TUSC3: variants seen among roughly 807,000 people sequenced by gnomAD.
TUSC3 encodes the protein dolichyl-diphosphooligosaccharide--protein glycosyltransferase subunit TUSC3.
In TUSC3, 45 loss-of-function variants were observed where a neutral mutation model predicts 44.8. That is an observed-to-expected ratio of 1.00 (90% confidence interval 0.79 to 1.29). The LOEUF (loss-of-function observed/expected upper bound fraction) is 1.29. Ranked by LOEUF, TUSC3 falls within the 50% of genes most tolerant of loss-of-function variation. TUSC3 has a pLI of 0.00. For missense variants in TUSC3, 519 were observed against 437.9 expected, an observed-to-expected ratio of 1.19 and a Z score of -1.65; for synonymous variants, 212 against 152.9, an observed-to-expected ratio of 1.39 and a Z score of -2.85.
Position 15,664,439 on chromosome 8 carries a change from TA to T in TUSC3, c.708+2144del, listed in dbSNP as rs1490011874. Reference sequence around the variant, plus strand: ...AAACCTCTGCTATGTTATACAGATTTATTATTATTATTATTATTATTATTAT... The same window carrying T: ...AAACCTCTGCTATGTTATACAGATTTTTATTATTATTATTATTATTATTAT... On this transcript the variant is annotated intron_variant, in intron 5 of 10. Transcript: ENST00000503731. 3.0e-3 allele frequency among the ~76,000 whole-genome samples: 22 copies of T among 7,308 alleles called. No homozygotes were observed. In the East Asian group the frequency reaches 0.18, roughly 61 times the overall value. The allele number at this position is 7,308 out of a possible 152,430, so 4.8% of individuals were successfully genotyped here. A position where few individuals can be genotyped will look rare whatever the true frequency, so the allele number is the denominator to read the frequency against.
At chr8:15,798,081 A>G in the TUSC3 span, among the ~76,000 whole-genome samples, 72 of 152,314 alleles carry the variant, frequency 4.7e-4, 2 homozygotes, top group South Asian at 9.3e-3. Flanking sequence ...AGCTATTTCT[A>G]TGTCCCACTA....
intron 2 of TUSC3, among the ~76,000 whole-genome samples, chr8:15,500,961 C>G (rs17577132): frequency 0.25 from 37,262 of 152,054 alleles, 5,369 homozygotes; most frequent in Admixed American, 0.41. Context: ...ACTTTAAATT[C>G]TTATAAGGTA....
chr8:15,650,994 CA>C, intron 3 of TUSC3, 180 bp downstream of exon 3: 1 of 295,226 alleles, frequency 3.4e-6, no homozygotes. Flanking sequence ...TACACACACA[CA>C]CACACACACA....
intron 8 of TUSC3, among the ~76,000 whole-genome samples, chr8:15,744,467 C>T (rs1024857369): frequency 6.6e-6 from 1 of 151,846 alleles, no homozygotes; most frequent in Non-Finnish European, 1.5e-5. Context: ...CTCTTTAAAA[C>T]CCAAAATTTA....
intron 9 of TUSC3, among the ~76,000 whole-genome samples, chr8:15,754,007 T>C (rs1811817058): frequency 6.6e-6 from 1 of 152,098 alleles, no homozygotes; most frequent in Non-Finnish European, 1.5e-5. Context: ...AATTATCCTG[T>C]GGTGAACATA....
chr8:15,526,748 A>G (rs561377864), intron 2 of TUSC3, among the ~76,000 whole-genome samples: 2 of 152,310 alleles, frequency 1.3e-5, no homozygotes, highest in South Asian at 2.1e-4. Context: ...CAGCAGCATG[A>G]TAACAGACTA....
chr8:15,829,316 C>G, the TUSC3 span, among the ~76,000 whole-genome samples: 2 of 152,156 alleles, frequency 1.3e-5, no homozygotes, highest in East Asian at 3.9e-4. Context: ...AAGTGCCAGA[C>G]TGCGATTATG....
chr8:15,619,413 G>A (rs13281940), intron 1 of TUSC3, among the ~76,000 whole-genome samples: 50,781 of 151,884 alleles, frequency 0.33, 8,830 homozygotes, highest in East Asian at 0.38. Context: ...TACCCTATAA[G>A]CAGAAAGAAA....
At chr8:15,605,734 A>G (rs890741481) in intron 1 of TUSC3, among the ~76,000 whole-genome samples, 1 of 152,006 alleles carries the variant, frequency 6.6e-6, no homozygotes, top group Non-Finnish European at 1.5e-5. Context: ...ACTTGTTAAA[A>G]CTTAGACACA....
At chr8:15,779,284 T>G in the TUSC3 span, among the ~76,000 whole-genome samples, 1 of 152,154 alleles carries the variant, frequency 6.6e-6, no homozygotes, top group Non-Finnish European at 1.5e-5. Context: ...CCCAGGCTAG[T>G]CTTGAACTCC....
intron 1 of TUSC3, among the ~76,000 whole-genome samples, chr8:15,584,772 A>G (rs186317611): frequency 2.0e-4 from 30 of 152,264 alleles, no homozygotes; most frequent in Non-Finnish European, 3.1e-4. Flanking sequence ...GACACAGGCA[A>G]TCTGAAAGTA....
At chr8:15,473,723 G>C (rs1040759334) in intron 1 of TUSC3, among the ~76,000 whole-genome samples, 8 of 152,094 alleles carry the variant, frequency 5.3e-5, no homozygotes, top group Admixed American at 4.6e-4. Context: ...ACAGGGAGTG[G>C]GTCACAAGAT....
chr8:15,623,147 A>G lies in TUSC3; in HGVS notation c.206A>G (p.Asn69Ser), dbSNP rs1805327204. ...TCCAGACGCTCAATCTTCCGAATGA[A>G]TGGTGATAAATTCCGAAAATTTATA... ...WSSRRSIFRM[N>S]GDKFRKFIKA... The change falls in exon 2 of 11, where the codon AAT becomes AGT. Residue 69 changes from asparagine (N) to serine (S), a missense_variant. Transcript: ENST00000503731. The G allele has an allele frequency of 6.2e-7, 1 of 1,613,922 alleles. No individual in the cohort carries two copies. Among genetic ancestry groups the G allele is most frequent in the Admixed American group, 1.7e-5 (1 of 59,998 alleles).
At chr8:15,780,581 T>A in the TUSC3 span, among the ~76,000 whole-genome samples, 2 of 152,328 alleles carry the variant, frequency 1.3e-5, no homozygotes, top group African/African-American at 4.8e-5. Context: ...TGCCGCCTGT[T>A]GCTGCTGACC....
Position 15,764,549 on chromosome 8 carries a change from G to T in TUSC3, c.*393G>T. ...CGCAATGTTAGTAAAGAAAACCTAT[G>T]AAATGTATGTTAAAGATTCTTAGTA... On this transcript the variant is annotated 3_prime_UTR_variant, in exon 11 of 11. Coordinates refer to ENST00000503731, the MANE Select transcript of TUSC3 (RefSeq NM_006765.4). 3.6e-6 allele frequency: 1 copy of T among 275,958 alleles called. No homozygotes were observed. The highest frequency in any genetic ancestry group is 7.0e-6 in the Non-Finnish European group (1 of 142,172). 17.1% of individuals were successfully genotyped at this position (275,958 alleles called of 1,614,324 possible).
intron 6 of TUSC3, among the ~76,000 whole-genome samples, chr8:15,718,181 G>A (rs769391132): frequency 6.6e-6 from 1 of 152,036 alleles, no homozygotes; most frequent in African/African-American, 2.4e-5. Context: ...CTAGAAGTGA[G>A]GAATTGGAAA....
rs557319052 is a variant in TUSC3 at position 15,520,423 on chromosome 8, C to T, written n.189+36940C>T. Among the ~76,000 whole-genome samples, 48 of 152,244 alleles carry T rather than the reference C, an allele frequency of 3.2e-4. No homozygotes were observed. The South Asian group carries it at 6.0e-3, about 19-fold the overall frequency. Reference sequence around the variant, plus strand: ...CATTTGTAAATGGGATAATTTATTACGCAAACAGCTTAGTCCAGGGCTTAA... The same window carrying T: ...CATTTGTAAATGGGATAATTTATTATGCAAACAGCTTAGTCCAGGGCTTAA... On this transcript the variant is annotated intron_variant and non_coding_transcript_variant, in intron 2 of 5. Transcript: ENST00000503191.
At chr8:15,682,147 G>C (rs377063255) in intron 6 of TUSC3, among the ~76,000 whole-genome samples, 34 of 152,250 alleles carry the variant, frequency 2.2e-4, no homozygotes, top group African/African-American at 7.9e-4. Context: ...TGCAGTTGTT[G>C]TGTGGAGTAT....
At chr8:15,675,076 T>C (rs4831760) in intron 6 of TUSC3, among the ~76,000 whole-genome samples, 45,342 of 151,824 alleles carry the variant, frequency 0.3, 7,078 homozygotes, top group African/African-American at 0.36. Flanking sequence ...ACATAATTTA[T>C]CGAATGTGTT....
Sources: allele counts gnomAD v4.1 joint callset (sites outside exome capture counted in the v4.1 genomes callset), GRCh38; gene constraint gnomAD v4.1.1; transcripts MANE v1.5; gene names NCBI Gene and HGNC (gene_info 2026-07-23, HGNC 2026-07-21).